CEP70: variants seen among roughly 807,000 people sequenced by gnomAD.
CEP70 encodes centrosomal protein of 70 kDa.
Under a neutral mutation model 90.9 loss-of-function variants are expected in CEP70, and 70 were observed. That is an observed-to-expected ratio of 0.77 (90% CI 0.64 to 0.94). The LOEUF is 0.94. Ranked by LOEUF, CEP70 falls within the 40% of genes least tolerant of loss-of-function variation. CEP70 has a pLI of 0.00. For missense variants in CEP70, 648 were observed against 669.0 expected (o/e 0.97, Z 0.35); for synonymous variants, 220 against 228.3 (o/e 0.96, Z 0.33).
At chr3:138,581,694 CAAAAA>C (rs35064874) in intron 2 of CEP70, among the ~76,000 whole-genome samples, 311 of 79,350 alleles carry the variant, frequency 3.9e-3, no homozygotes, top group African/African-American at 0.014. Flanking sequence ...AAACTTGTCT[CAAAAA>C]AAAAAAAAAA....
chr3:138,503,981 C>T (rs766384778), intron 13 of CEP70, among the ~76,000 whole-genome samples: 7 of 152,160 alleles, frequency 4.6e-5, no homozygotes, highest in Non-Finnish European at 7.3e-5. Flanking sequence ...GCATGATAAA[C>T]GATCAATAAC....
At chr3:138,538,099 C>G (rs998058603) in intron 6 of CEP70, among the ~76,000 whole-genome samples, 1 of 152,178 alleles carries the variant, frequency 6.6e-6, no homozygotes, top group Non-Finnish European at 1.5e-5. Flanking sequence ...GACCAACTTC[C>G]CCACTATCTT....
chr3:138,509,686 TTTA>T, intron 11 of CEP70, among the ~76,000 whole-genome samples: 1 of 152,264 alleles, frequency 6.6e-6, no homozygotes, highest in South Asian at 2.1e-4. Context: ...AATAAGTTTT[TTTA>T]TTTTATTTTT....
intron 6 of CEP70, among the ~76,000 whole-genome samples, chr3:138,538,315 A>T (rs1399662812): frequency 6.6e-6 from 1 of 152,054 alleles, no homozygotes; most frequent in Non-Finnish European, 1.5e-5. Flanking sequence ...TAGGAGGTAC[A>T]CTCTACAGGT....
At chr3:138,501,763 T>A (rs911829808) in intron 13 of CEP70, among the ~76,000 whole-genome samples, 3 of 152,204 alleles carry the variant, frequency 2.0e-5, no homozygotes, top group Non-Finnish European at 4.4e-5. Flanking sequence ...AGCTCTAGAC[T>A]GATCAATCGA....
At chr3:138,508,691 G>GTATGTA (rs2035225982) in intron 11 of CEP70, 147 bp from the exon 12 acceptor site, 1 of 605,692 alleles carries the variant, frequency 1.7e-6, no homozygotes, top group African/African-American at 1.9e-5. Flanking sequence ...GTATGTATGT[G>GTATGTA]TATGTATAAA....
chr3:138,541,399 G>A (rs1281377521), intron 6 of CEP70, among the ~76,000 whole-genome samples: 1 of 148,570 alleles, frequency 6.7e-6, no homozygotes, highest in Non-Finnish European at 1.5e-5. Flanking sequence ...TCAACGTGGT[G>A]CTGAAAGAAA....
At position 138,534,856 on chromosome 3, in the gene CEP70, TC is replaced by T. The variant is rs1382494342; in HGVS notation, c.636-2287del. 2.0e-5 allele frequency among the ~76,000 whole-genome samples: 3 copies of T among 152,314 alleles called. No individual in the cohort carries two copies. In the South Asian group the frequency reaches 6.2e-4, roughly 32 times the overall value. On this transcript the variant is annotated intron_variant, in intron 7 of 17. Coordinates refer to ENST00000264982, the MANE Select transcript of CEP70 (RefSeq NM_024491.4). ...AGTTTAAAAACTGGCCATCTTTGAC[TC>T]CTCCACTCCTTTCAACATCTATAGC...
At chr3:138,518,435 T>G (rs964221350) in intron 11 of CEP70, among the ~76,000 whole-genome samples, 3 of 152,184 alleles carry the variant, frequency 2.0e-5, no homozygotes, top group Admixed American at 2.0e-4. Context: ...CACCTCCCAG[T>G]AGGGGCAGAC....
At chr3:138,498,398 C>T (rs1473301344) in intron 16 of CEP70, among the ~76,000 whole-genome samples, 5 of 147,022 alleles carry the variant, frequency 3.4e-5, no homozygotes, top group African/African-American at 5.1e-5. Context: ...AGTGCAGTGG[C>T]GCTGTCTCGG....
Position 138,495,048 on chromosome 3 carries a change from A to G in CEP70, c.1761T>C (p.Pro587=), listed in dbSNP as rs1199151258. 2.6e-6 allele frequency: 4 copies of G among 1,554,932 alleles called. No individual in the cohort carries two copies. The highest frequency in any genetic ancestry group is 2.7e-6 in the Non-Finnish European group (3 of 1,128,660). ...LEIDDLDAIV[P]AVKKLKVLSY ...AAAGTACTTTTAATTTCTTTACTGC[A>G]GGTACAATGGCATCCAAGTCATCAA... The change falls in exon 18 of 18, where the codon CCT becomes CCC. Residue 587 remains proline (P), a synonymous_variant. Coordinates refer to ENST00000264982, the MANE Select transcript of CEP70 (RefSeq NM_024491.4).
intron 15 of CEP70, 74 bp downstream of exon 15, chr3:138,500,325 T>G: frequency 6.6e-7 from 1 of 1,517,394 alleles, no homozygotes. Context: ...CACTTAAACA[T>G]TTTTTAATCT....
rs532450993 is a variant in CEP70 at position 138,521,617 on chromosome 3, C to A, written c.944+3873G>T. 4.2e-4 allele frequency among the ~76,000 whole-genome samples: 62 copies of A among 148,148 alleles called. 1 individual carries two copies. The East Asian group carries it at 9.6e-3, about 23-fold the overall frequency. ...GAGCATCTCTACCTGGCCGCCACCC[C>A]ATCTGGGAGGTGAGGAGTGCCTCTG... On this transcript the variant is annotated intron_variant, in intron 11 of 17. Transcript: ENST00000264982.
intron 2 of CEP70, among the ~76,000 whole-genome samples, chr3:138,577,656 T>C (rs1291733104): frequency 2.0e-5 from 3 of 151,082 alleles, no homozygotes; most frequent in African/African-American, 7.3e-5. Flanking sequence ...TCGGAAAAAA[T>C]AAAAAAATTT....
At chr3:138,561,077 CT>C (rs1476024765) in intron 6 of CEP70, among the ~76,000 whole-genome samples, 14 of 152,248 alleles carry the variant, frequency 9.2e-5, no homozygotes, top group Middle Eastern at 3.4e-3. Context: ...GATCACTGAA[CT>C]CCGTGTCTCC....
At chr3:138,541,848 C>T (rs988449784) in intron 6 of CEP70, among the ~76,000 whole-genome samples, 1 of 152,128 alleles carries the variant, frequency 6.6e-6, no homozygotes, top group African/African-American at 2.4e-5. Flanking sequence ...ATGGCAAAGC[C>T]CCATCTCTAC....
intron 6 of CEP70, among the ~76,000 whole-genome samples, chr3:138,559,213 A>G (rs1360325283): frequency 6.6e-6 from 1 of 152,194 alleles, no homozygotes; most frequent in Non-Finnish European, 1.5e-5. Context: ...AAACATAAAG[A>G]ATAAACATGA....
At chr3:138,517,729 G>T (rs748413059) in intron 11 of CEP70, among the ~76,000 whole-genome samples, 5 of 152,168 alleles carry the variant, frequency 3.3e-5, no homozygotes, top group Non-Finnish European at 5.9e-5. Context: ...AATAGGAACA[G>T]CTCCAGTCTA....
chr3:138,502,627 T>C (rs966657159), intron 13 of CEP70, among the ~76,000 whole-genome samples: 4 of 151,834 alleles, frequency 2.6e-5, no homozygotes, highest in Admixed American at 6.6e-5. Flanking sequence ...AAGTAATCTA[T>C]GGTAAAAAGC....
Sources: gnomAD v4.1 joint callset for allele counts (sites outside exome capture counted in the v4.1 genomes callset) on GRCh38, gnomAD v4.1.1 for gene constraint, MANE v1.5 for transcripts, NCBI Gene and HGNC (gene_info 2026-07-23, HGNC 2026-07-21) for gene names.